ATP8A2: variants seen among roughly 807,000 people sequenced by gnomAD.
ATP8A2 encodes ATPase phospholipid transporting 8A2, also known as phospholipid-transporting ATPase IB.
ATP8A2 carries 100 observed loss-of-function variants against 165.6 expected under a neutral mutation model. The ratio of observed to expected loss-of-function variants is 0.60; its 90% CI spans 0.51 to 0.71. ATP8A2 has a LOEUF of 0.71. Ranked by LOEUF, ATP8A2 falls within the 30% of genes least tolerant of loss-of-function variation. ATP8A2 has a pLI of 0.00. For missense variants in ATP8A2, 1,227 were observed against 1,479.5 expected (o/e 0.83, Z 2.80); for synonymous variants, 543 against 548.8 (o/e 0.99, Z 0.15).
chr13:25,889,270 AT>A (rs1953275126), intron 33 of ATP8A2, among the ~76,000 whole-genome samples: 1 of 146,346 alleles, frequency 6.8e-6, no homozygotes, highest in Non-Finnish European at 1.5e-5. Context: ...ATATATATAT[AT>A]ATAAAATTTA....
At chr13:25,608,635 A>G (rs68126613) in intron 24 of ATP8A2, among the ~76,000 whole-genome samples, 18,358 of 152,232 alleles carry the variant, frequency 0.12, 1,421 homozygotes, top group Non-Finnish European at 0.18. Context: ...GGTGTCACCT[A>G]TTCAATTCTC....
intron 25 of ATP8A2, among the ~76,000 whole-genome samples, chr13:25,738,350 CCACA>C (rs1202875563): frequency 1.0e-5 from 1 of 97,742 alleles, no homozygotes; most frequent in Non-Finnish European, 2.4e-5. Flanking sequence ...TCCCCCCCCC[CCACA>C]CACACTTCTT....
At chr13:25,735,962 C>T (rs987617108) in intron 25 of ATP8A2, among the ~76,000 whole-genome samples, 1 of 152,226 alleles carries the variant, frequency 6.6e-6, no homozygotes, top group Admixed American at 6.5e-5. Context: ...GCTCTATACG[C>T]GACTACTATT....
chr13:25,952,648 A>T (rs1955400373), intron 33 of ATP8A2, among the ~76,000 whole-genome samples: 1 of 152,148 alleles, frequency 6.6e-6, no homozygotes. Context: ...CTGGAATGAC[A>T]CGCGTGAGCC....
At position 25,762,297 on chromosome 13, in the gene ATP8A2, G is replaced by T. The variant is rs867861205; in HGVS notation, c.2385-6749G>T. On this transcript the variant is annotated intron_variant, in intron 25 of 36. Coordinates refer to ENST00000381655, the MANE Select transcript of ATP8A2 (RefSeq NM_016529.6). ...AAAAAAAAAAAAAAAAAAAAAAAAA[G>T]CTGTCCCAGAAGGCCTAGAATGTTT... is the stretch of plus-strand genomic sequence containing the variant. Among the ~76,000 whole-genome samples, 43 of 20,680 alleles carry T rather than the reference G, an allele frequency of 2.1e-3. 2 individuals carry two copies. Among genetic ancestry groups the T allele is most frequent in the African/African-American group, 3.0e-3 (22 of 7,432 alleles). The allele number at this position is 20,680 out of a possible 152,430, so 13.6% of individuals were successfully genotyped here. A position where few individuals can be genotyped will look rare whatever the true frequency, so the allele number is the denominator to read the frequency against.
intron 33 of ATP8A2, among the ~76,000 whole-genome samples, chr13:25,890,822 A>G (rs1213169569): frequency 3.9e-5 from 6 of 152,240 alleles, no homozygotes; most frequent in Non-Finnish European, 1.5e-5. Context: ...AGTTCTTTGG[A>G]AACAGAAGGT....
At chr13:25,475,863 G>A (rs912098382) in intron 2 of ATP8A2, among the ~76,000 whole-genome samples, 3 of 152,142 alleles carry the variant, frequency 2.0e-5, no homozygotes, top group South Asian at 4.1e-4. Context: ...TAATGTGGTT[G>A]TTAGTATTTT....
chr13:25,810,487 C>T (rs1950841518), intron 27 of ATP8A2, among the ~76,000 whole-genome samples: 2 of 148,522 alleles, frequency 1.3e-5, no homozygotes, highest in Admixed American at 1.3e-4. Context: ...CCAATTTAAA[C>T]ATCTTGAGGG....
chr13:25,554,026 G>A (rs2038903162), intron 12 of ATP8A2, 106 bp downstream of exon 12: 10 of 1,258,968 alleles, frequency 7.9e-6, no homozygotes, highest in Non-Finnish European at 1.1e-5. Context: ...TTTACCATTA[G>A]GTCCAGGGGC....
chr13:25,472,461 C>T (rs973796922), intron 2 of ATP8A2, among the ~76,000 whole-genome samples: 1 of 151,266 alleles, frequency 6.6e-6, no homozygotes, highest in Non-Finnish European at 1.5e-5. Context: ...GAGAAAACGT[C>T]GAGCCATATT....
rs1437041907 is a variant in ATP8A2, at chr13:25,534,201, A to G, written c.507+888A>G. ...TTTAGGAGAATTCGCCACCCTTTAA[A>G]GAAATTTCTCCTTTATAGTGTTTTA... is the stretch of plus-strand genomic sequence containing the variant. On this transcript the variant is annotated intron_variant, in intron 6 of 36. Coordinates refer to ENST00000381655, the MANE Select transcript of ATP8A2 (RefSeq NM_016529.6). 5.6e-6 allele frequency: 3 copies of G among 532,860 alleles called. No individual in the cohort carries two copies. The African/African-American group carries it at 5.8e-5, about 10-fold the overall frequency. The allele number at this position is 532,860 out of a possible 1,614,324, so 33.0% of individuals were successfully genotyped here. A position where few individuals can be genotyped will look rare whatever the true frequency, so the allele number is the denominator to read the frequency against.
chr13:25,559,869 A>G (rs2039089995), intron 15 of ATP8A2, 104 bp downstream of exon 15: 2 of 868,540 alleles, frequency 2.3e-6, no homozygotes, highest in Non-Finnish European at 3.7e-6. Context: ...ACTCTATTGC[A>G]CAGGATGGAG....
chr13:25,609,961 G>T (rs1443232057), intron 24 of ATP8A2, among the ~76,000 whole-genome samples: 4 of 151,658 alleles, frequency 2.6e-5, no homozygotes, highest in Non-Finnish European at 5.9e-5. Context: ...TTTTTGATAG[G>T]ATTGTTTTTT....
chr13:25,824,698 G>A lies in ATP8A2; in HGVS notation c.2680-3420G>A, dbSNP rs150960139. On this transcript the variant is annotated intron_variant, in intron 27 of 36. Transcript: ENST00000381655. ...TTCTGTGTGTTATAGGTTTCTCTTG[G>A]ATGATTCTGCATTTTTTTTCTTTTC... 3.3e-5 allele frequency among the ~76,000 whole-genome samples: 5 copies of A among 152,136 alleles called. No homozygotes were observed. The East Asian group carries it at 9.7e-4, about 29-fold the overall frequency.
rs143181552 is a variant in ATP8A2 at position 25,886,518 on chromosome 13, T to C, written c.3183+24110T>C. Reference sequence around the variant, plus strand: ...GGTATGCATCTTGTAAACAGGTCACTAATTCCAGGCTAGGGGCTGGAAGGC... The same window carrying C: ...GGTATGCATCTTGTAAACAGGTCACCAATTCCAGGCTAGGGGCTGGAAGGC... On this transcript the variant is annotated intron_variant, in intron 33 of 36. Coordinates refer to ENST00000381655, the MANE Select transcript of ATP8A2 (RefSeq NM_016529.6). Among the ~76,000 whole-genome samples the C allele has an allele frequency of 2.2e-4, 33 of 152,318 alleles. No individual in the cohort carries two copies. The Middle Eastern group carries it at 0.01, about 47-fold the overall frequency.
intron 1 of ATP8A2, among the ~76,000 whole-genome samples, chr13:25,431,126 C>T (rs549672153): frequency 6.9e-6 from 1 of 144,328 alleles, no homozygotes; most frequent in East Asian, 2.1e-4. Flanking sequence ...GTTAAGTACA[C>T]ATTTCTCTAA....
At chr13:25,461,492 T>A (rs2035501103) in intron 1 of ATP8A2, among the ~76,000 whole-genome samples, 1 of 152,214 alleles carries the variant, frequency 6.6e-6, no homozygotes, top group Non-Finnish European at 1.5e-5. Context: ...TGTATATGCA[T>A]GCACACGTGC....
intron 35 of ATP8A2, among the ~76,000 whole-genome samples, chr13:26,001,035 T>C (rs1422861875): frequency 6.6e-6 from 1 of 152,180 alleles, no homozygotes; most frequent in Non-Finnish European, 1.5e-5. Context: ...TCCCACTTCC[T>C]TTCCCCCACC....
intron 6 of ATP8A2, among the ~76,000 whole-genome samples, chr13:25,534,579 A>C (rs2038216576): frequency 6.6e-6 from 1 of 152,180 alleles, no homozygotes; most frequent in South Asian, 2.1e-4. Flanking sequence ...AGCTTTGCAG[A>C]CTCCTAAAAC....
Sources: gnomAD v4.1 joint callset for allele counts (sites outside exome capture counted in the v4.1 genomes callset) on GRCh38, gnomAD v4.1.1 for gene constraint, MANE v1.5 for transcripts, NCBI Gene and HGNC (gene_info 2026-07-23, HGNC 2026-07-21) for gene names.